The following GRXCR1 variants were observed in gnomAD, a reference collection of about 807,000 sequenced individuals.
GRXCR1 encodes glutaredoxin domain-containing cysteine-rich protein 1.
A neutral mutation model predicts 27.3 loss-of-function variants in GRXCR1; 27 were observed. The observed-to-expected ratio is 0.99, with a 90% CI of 0.73 to 1.37. The LOEUF (loss-of-function observed/expected upper bound fraction) is 1.37. Among genes scored for constraint, GRXCR1 ranks in the 40% most tolerant of loss-of-function variants. GRXCR1 has a pLI of 0.00. For synonymous variants in GRXCR1, 122 were observed against 131.1 expected, an observed-to-expected ratio of 0.93 and a Z score of 0.47; for missense variants, 379 against 354.4, an observed-to-expected ratio of 1.07 and a Z score of -0.56.
At chr4:42,968,310 A>C (rs1748297157) in intron 2 of GRXCR1, among the ~76,000 whole-genome samples, 1 of 152,160 alleles carries the variant, frequency 6.6e-6, no homozygotes, top group Admixed American at 6.6e-5. Flanking sequence ...CAATATTATA[A>C]AATCAAAGGT....
intron 2 of GRXCR1, among the ~76,000 whole-genome samples, chr4:42,976,437 TTTCTTAAAA>T (rs1748522875): frequency 6.6e-6 from 1 of 152,076 alleles, no homozygotes; most frequent in South Asian, 2.1e-4. Flanking sequence ...TATGTATATC[TTTCTTAAAA>T]CCAACTTTAT....
chr4:42,971,719 A>C (rs1748392456), intron 2 of GRXCR1, among the ~76,000 whole-genome samples: 1 of 151,992 alleles, frequency 6.6e-6, no homozygotes, highest in Admixed American at 6.6e-5. Context: ...ACAATTTGAG[A>C]TGAGACAAAT....
At chr4:42,983,536 CG>C (rs1193819934) in intron 2 of GRXCR1, among the ~76,000 whole-genome samples, 2 of 151,188 alleles carry the variant, frequency 1.3e-5, no homozygotes, top group African/African-American at 4.9e-5. Flanking sequence ...CTTGGCGATG[CG>C]GGCTCTTTTT....
At position 42,930,644 on chromosome 4, in the gene GRXCR1, T is replaced by C. The variant is rs1306901739; in HGVS notation, c.385-32248T>C. Among the ~76,000 whole-genome samples the C allele has an allele frequency of 2.0e-5, 3 of 151,966 alleles. No individual in the cohort carries two copies. In the East Asian group the frequency reaches 5.8e-4, roughly 30 times the overall value. ...TTGGTTTTCTTAGATTGGAACATAA[T>C]GTAGTCATCAAGGTCTGGGTTAAAG... On this transcript the variant is annotated intron_variant, in intron 1 of 3. Transcript: ENST00000399770.
intron 2 of GRXCR1, among the ~76,000 whole-genome samples, chr4:43,005,810 C>T (rs1170134771): frequency 6.6e-6 from 1 of 152,174 alleles, no homozygotes; most frequent in East Asian, 1.9e-4. Flanking sequence ...TGGAAAGGGA[C>T]ATACAGCATG....
In GRXCR1 at chr4:42,949,209, CAA is replaced by C. The variant is rs1180461913; in HGVS notation, c.385-13675_385-13674del. 5.4e-5 allele frequency among the ~76,000 whole-genome samples: 8 copies of C among 149,098 alleles called. No individual in the cohort carries two copies. The South Asian group carries it at 6.4e-4, about 12-fold the overall frequency. ...TCTCCACTAAAAATACACACACACACAAAAAAAAAGCTGGGTGTGGTGGCCCG... is the reference window on the plus strand; with the variant it reads ...TCTCCACTAAAAATACACACACACACAAAAAAAGCTGGGTGTGGTGGCCCG... On this transcript the variant is annotated intron_variant, in intron 1 of 3. Transcript: ENST00000399770.
chr4:42,936,375 T>G (rs1747457901), intron 1 of GRXCR1, among the ~76,000 whole-genome samples: 1 of 151,914 alleles, frequency 6.6e-6, no homozygotes, highest in Admixed American at 6.6e-5. Context: ...TTGCAGAATT[T>G]TATTACTATT....
At chr4:42,905,757 C>A (rs572818812) in intron 1 of GRXCR1, among the ~76,000 whole-genome samples, 3 of 152,100 alleles carry the variant, frequency 2.0e-5, no homozygotes, top group Non-Finnish European at 2.9e-5. Context: ...AGAAAATTAC[C>A]GATGCATTCT....
Position 42,973,815 on chromosome 4 carries a change from T to C in GRXCR1, c.627+10681T>C, listed in dbSNP as rs550196815. ...CTTTCAATGAAGATAATAGAATACTTACAGTTTTGGATATTGTGAAGATGA... is the reference window on the plus strand; with the variant it reads ...CTTTCAATGAAGATAATAGAATACTCACAGTTTTGGATATTGTGAAGATGA... On this transcript the variant is annotated intron_variant, in intron 2 of 3. Coordinates refer to ENST00000399770, the MANE Select transcript of GRXCR1 (RefSeq NM_001080476.3). Among the ~76,000 whole-genome samples the C allele has an allele frequency of 2.0e-5, 3 of 152,266 alleles. No individual in the cohort carries two copies. In the South Asian group the frequency reaches 6.2e-4, roughly 32 times the overall value.
chr4:42,948,022 AT>A (rs1560660656), intron 1 of GRXCR1, among the ~76,000 whole-genome samples: 1 of 152,114 alleles, frequency 6.6e-6, no homozygotes, highest in African/African-American at 2.4e-5. Flanking sequence ...GGAAGGCAAC[AT>A]TTTTTTGCTT....
At chr4:42,995,807 T>C (rs148768248) in intron 2 of GRXCR1, among the ~76,000 whole-genome samples, 10 of 152,342 alleles carry the variant, frequency 6.6e-5, no homozygotes, top group Non-Finnish European at 1.5e-4. Flanking sequence ...ATTTTGTCCA[T>C]AACAAAATAT....
At chr4:42,897,742 T>G (rs1484124897) in intron 1 of GRXCR1, among the ~76,000 whole-genome samples, 2 of 152,036 alleles carry the variant, frequency 1.3e-5, no homozygotes, top group Admixed American at 1.3e-4. Flanking sequence ...GTGTGGTGAT[T>G]TTGTAATTTC....
intron 1 of GRXCR1, among the ~76,000 whole-genome samples, chr4:42,922,715 G>A (rs1439841686): frequency 6.6e-6 from 1 of 152,024 alleles, no homozygotes; most frequent in African/African-American, 2.4e-5. Flanking sequence ...TAAATGGCTT[G>A]TAAATATGGG....
chr4:42,963,044 T>C lies in GRXCR1; in HGVS notation c.537T>C (p.Gly179=). The change falls in exon 2 of 4, where the codon GGT becomes GGC. Residue 179 remains glycine (G), a synonymous_variant. Transcript: ENST00000399770. ...KFEEKNIALN[G]EYGKELDERC... is the part of the protein sequence containing the mutation. ...AAGAGAAAAACATAGCCCTGAATGG[T>C]GAATATGGAAAAGAGTTAGACGAAC... 1 of 1,612,700 alleles carries C rather than the reference T, an allele frequency of 6.2e-7. No individual in the cohort carries two copies. The highest frequency in any genetic ancestry group is 8.5e-7 in the Non-Finnish European group (1 of 1,179,070).
intron 1 of GRXCR1, among the ~76,000 whole-genome samples, chr4:42,950,890 T>C (rs1747867803): frequency 6.6e-6 from 1 of 152,172 alleles, no homozygotes; most frequent in Admixed American, 6.6e-5. Flanking sequence ...GTCTACATTA[T>C]GTCTATATGT....
At chr4:42,920,322 C>T (rs1406354515) in intron 1 of GRXCR1, among the ~76,000 whole-genome samples, 1 of 151,870 alleles carries the variant, frequency 6.6e-6, no homozygotes, top group Non-Finnish European at 1.5e-5. Context: ...TATGCCTGCT[C>T]ATTCAGCCAA....
At chr4:42,948,404 A>C (rs537313304) in intron 1 of GRXCR1, among the ~76,000 whole-genome samples, 1 of 152,230 alleles carries the variant, frequency 6.6e-6, no homozygotes, top group East Asian at 1.9e-4. Context: ...AAAGTCCTAC[A>C]CACAAGTGAT....
intron 1 of GRXCR1, among the ~76,000 whole-genome samples, chr4:42,919,141 A>T (rs1015715633): frequency 1.3e-5 from 2 of 152,132 alleles, no homozygotes; most frequent in Non-Finnish European, 2.9e-5. Context: ...TCATCTTTTG[A>T]GAAAATTGAC....
intron 1 of GRXCR1, among the ~76,000 whole-genome samples, chr4:42,950,977 T>C (rs1747870366): frequency 1.3e-5 from 2 of 152,160 alleles, no homozygotes; most frequent in African/African-American, 2.4e-5. Context: ...ATTTATTACA[T>C]GGTATAGGCT....
Sources: gnomAD v4.1 joint callset for allele counts (sites outside exome capture counted in the v4.1 genomes callset) on GRCh38, gnomAD v4.1.1 for gene constraint, MANE v1.5 for transcripts, NCBI Gene and HGNC (gene_info 2026-07-23, HGNC 2026-07-21) for gene names.